DSCAM: variants seen among roughly 807,000 people sequenced by gnomAD.
The protein encoded by DSCAM is cell adhesion molecule DSCAM.
In DSCAM, 47 loss-of-function variants were observed where a neutral mutation model predicts 217.7. The observed-to-expected ratio is 0.22, with a 90% CI of 0.17 to 0.28. DSCAM has a LOEUF of 0.28. Among genes scored for constraint, DSCAM ranks in the 10% least tolerant of loss-of-function variants. The pLI is 1.00. For synonymous variants in DSCAM, 1,056 were observed against 1,015.3 expected, an observed-to-expected ratio of 1.04 and a Z score of -0.76; for missense variants, 2,080 against 2,618.3, an observed-to-expected ratio of 0.79 and a Z score of 4.49.
chr21:40,338,858 T>C (rs1327916435), intron 7 of DSCAM, among the ~76,000 whole-genome samples: 1 of 152,148 alleles, frequency 6.6e-6, no homozygotes, highest in Non-Finnish European at 1.5e-5. Context: ...GGAAAGGGCA[T>C]GCAGAGCATA....
intron 3 of DSCAM, among the ~76,000 whole-genome samples, chr21:40,473,808 C>T (rs546379782): frequency 7.9e-5 from 12 of 152,184 alleles, no homozygotes; most frequent in African/African-American, 2.4e-4. Context: ...CAGACACACA[C>T]GGAGGACAAC....
At chr21:40,812,795 G>A (rs753232149) in intron 1 of DSCAM, among the ~76,000 whole-genome samples, 10 of 152,162 alleles carry the variant, frequency 6.6e-5, no homozygotes, top group Admixed American at 2.0e-4. Flanking sequence ...TAAAGGTCAC[G>A]CACAACCCAG....
chr21:40,182,214 G>T (rs560555634), intron 14 of DSCAM, among the ~76,000 whole-genome samples: 61 of 152,248 alleles, frequency 4.0e-4, no homozygotes, highest in African/African-American at 1.4e-3. Flanking sequence ...AGAGGTAGCT[G>T]GGAGAGGGAG....
intron 1 of DSCAM, among the ~76,000 whole-genome samples, chr21:40,764,341 A>AG (rs2091366200): frequency 6.7e-6 from 1 of 149,844 alleles, no homozygotes; most frequent in Non-Finnish European, 1.5e-5. Flanking sequence ...AAAAAAAAAA[A>AG]TGAAAAAAAG....
At chr21:40,362,417 A>G (rs2074777801) in intron 4 of DSCAM, among the ~76,000 whole-genome samples, 1 of 152,174 alleles carries the variant, frequency 6.6e-6, no homozygotes. Flanking sequence ...GGTTGGTTAG[A>G]TAAGTGTTCA....
At chr21:40,242,478 G>A (rs1330029488) in intron 11 of DSCAM, among the ~76,000 whole-genome samples, 1 of 152,192 alleles carries the variant, frequency 6.6e-6, no homozygotes, top group Non-Finnish European at 1.5e-5. Context: ...CAGGAAATGT[G>A]AGCAGAAGTA....
At chr21:40,050,033 G>C (rs1368097734) in intron 30 of DSCAM, among the ~76,000 whole-genome samples, 1 of 152,182 alleles carries the variant, frequency 6.6e-6, no homozygotes, top group African/African-American at 2.4e-5. Flanking sequence ...GTGCCGGAGG[G>C]GTCCTGCCCT....
At chr21:40,118,080 G>A (rs2089992633) in intron 20 of DSCAM, among the ~76,000 whole-genome samples, 1 of 152,178 alleles carries the variant, frequency 6.6e-6, no homozygotes, top group Non-Finnish European at 1.5e-5. Context: ...CAGCTGGATT[G>A]TGGAAATCTA....
At chr21:40,378,554 A>ATTTT (rs71186931) in intron 3 of DSCAM, among the ~76,000 whole-genome samples, 5 of 75,708 alleles carry the variant, frequency 6.6e-5, no homozygotes, top group Non-Finnish European at 9.9e-5. Context: ...ATGAAAACTT[A>ATTTT]TTTTTTTTTT....
intron 3 of DSCAM, among the ~76,000 whole-genome samples, chr21:40,522,902 C>T (rs995083006): frequency 2.0e-5 from 3 of 152,014 alleles, no homozygotes; most frequent in African/African-American, 7.3e-5. Flanking sequence ...CAATAATCGA[C>T]AACATAATGA....
intron 1 of DSCAM, among the ~76,000 whole-genome samples, chr21:40,833,015 G>A (rs1234912640): frequency 2.6e-5 from 4 of 152,090 alleles, no homozygotes; most frequent in East Asian, 1.9e-4. Context: ...AGATGATGTC[G>A]TGCCTTTTTA....
intron 3 of DSCAM, among the ~76,000 whole-genome samples, chr21:40,654,504 T>A (rs1222143864): frequency 6.6e-6 from 1 of 152,198 alleles, no homozygotes; most frequent in Non-Finnish European, 1.5e-5. Flanking sequence ...AACACAAATT[T>A]GTTACCTCAT....
At chr21:40,594,439 G>A (rs915959026) in intron 3 of DSCAM, among the ~76,000 whole-genome samples, 15 of 152,062 alleles carry the variant, frequency 9.9e-5, no homozygotes, top group African/African-American at 3.6e-4. Flanking sequence ...TATGACCTTG[G>A]GCAAGATACT....
At chr21:40,233,197 A>C (rs955874906) in intron 11 of DSCAM, among the ~76,000 whole-genome samples, 1 of 152,180 alleles carries the variant, frequency 6.6e-6, no homozygotes, top group Non-Finnish European at 1.5e-5. Context: ...AAAATCCCTT[A>C]AGAGTACTTG....
intron 19 of DSCAM, among the ~76,000 whole-genome samples, chr21:40,128,532 C>T (rs371115908): frequency 6.6e-6 from 1 of 151,900 alleles, no homozygotes. Context: ...TCAGATGCGC[C>T]CCTTAGAAGA....
At chr21:40,768,817 G>T (rs1455811818) in intron 1 of DSCAM, among the ~76,000 whole-genome samples, 1 of 152,202 alleles carries the variant, frequency 6.6e-6, no homozygotes, top group Non-Finnish European at 1.5e-5. Flanking sequence ...GAGAACAGAA[G>T]TTGAGCACCA....
At chr21:40,070,694 A>G (rs1485761884) in intron 27 of DSCAM, among the ~76,000 whole-genome samples, 1 of 152,108 alleles carries the variant, frequency 6.6e-6, no homozygotes, top group Non-Finnish European at 1.5e-5. Flanking sequence ...TAGGTTAGTA[A>G]AGTTCAAGTT....
intron 11 of DSCAM, among the ~76,000 whole-genome samples, chr21:40,216,971 T>C (rs1048662962): frequency 2.6e-5 from 4 of 152,222 alleles, no homozygotes; most frequent in Non-Finnish European, 5.9e-5. Flanking sequence ...TCTGAAAAAC[T>C]GAACACAACT....
chr21:40,166,146 G>T (rs1023227690), intron 16 of DSCAM, among the ~76,000 whole-genome samples: 2 of 152,088 alleles, frequency 1.3e-5, no homozygotes, highest in Non-Finnish European at 1.5e-5. Context: ...TCTTATGAAA[G>T]AACCCATACT....
Sources: gnomAD v4.1 joint callset for allele counts (sites outside exome capture counted in the v4.1 genomes callset) on GRCh38, gnomAD v4.1.1 for gene constraint, MANE v1.5 for transcripts, NCBI Gene and HGNC (gene_info 2026-07-23, HGNC 2026-07-21) for gene names.